The following PDE1A variants were observed in gnomAD, a reference collection of about 807,000 sequenced individuals.
PDE1A encodes phosphodiesterase 1A.
Under a neutral mutation model 61.7 loss-of-function variants are expected in PDE1A, and 35 were observed. The observed-to-expected ratio is 0.57, with a 90% CI of 0.43 to 0.75. The LOEUF (loss-of-function observed/expected upper bound fraction) is 0.75, where lower values mean the gene tolerates loss of function less well. Ranked by LOEUF, PDE1A falls within the 30% of genes least tolerant of loss-of-function variation. The probability of loss-of-function intolerance (pLI) is 0.00; values close to 1 mark genes in which losing one functional copy is unlikely to be tolerated. For synonymous variants in PDE1A, 232 were observed against 213.2 expected, an observed-to-expected ratio of 1.09 and a Z score of -0.77; for missense variants, 597 against 630.6, an observed-to-expected ratio of 0.95 and a Z score of 0.57.
At chr2:182,692,672 AAT>A in the PDE1A span, among the ~76,000 whole-genome samples, 147 of 147,776 alleles carry the variant, frequency 9.9e-4, 1 homozygote, top group African/African-American at 3.4e-3. Context: ...GTATAATAAA[AAT>A]ATATATATAT....
At chr2:182,307,586 C>A (rs1234581436) in intron 1 of PDE1A, among the ~76,000 whole-genome samples, 2 of 152,090 alleles carry the variant, frequency 1.3e-5, no homozygotes, top group Non-Finnish European at 2.9e-5. Context: ...CAGAGTAAGA[C>A]AATCACTGGA....
intron 1 of PDE1A, among the ~76,000 whole-genome samples, chr2:182,402,809 A>AG (rs1702079774): frequency 6.6e-6 from 1 of 152,220 alleles, no homozygotes; most frequent in Non-Finnish European, 1.5e-5. Flanking sequence ...AGAATCTACA[A>AG]AAACTTAAAC....
At chr2:182,567,531 C>T in the PDE1A span, among the ~76,000 whole-genome samples, 1 of 152,056 alleles carries the variant, frequency 6.6e-6, no homozygotes, top group African/African-American at 2.4e-5. Context: ...TCTCGTCTTC[C>T]TTCCATTTAC....
the PDE1A span, among the ~76,000 whole-genome samples, chr2:182,714,569 T>A: frequency 6.8e-6 from 1 of 146,088 alleles, no homozygotes; most frequent in African/African-American, 2.5e-5. Context: ...CATCTCTTAC[T>A]TTTTTTTTTC....
At chr2:182,459,101 A>G (rs376285566) in intron 2 of PDE1A, among the ~76,000 whole-genome samples, 14 of 152,254 alleles carry the variant, frequency 9.2e-5, no homozygotes, top group African/African-American at 2.6e-4. Flanking sequence ...CACAATTTTT[A>G]TTCATCTCTA....
At chr2:182,643,322 G>A in the PDE1A span, among the ~76,000 whole-genome samples, 1 of 152,098 alleles carries the variant, frequency 6.6e-6, no homozygotes, top group African/African-American at 2.4e-5. Context: ...TGCCTGGTAC[G>A]GCACAGGTAA....
the PDE1A span, among the ~76,000 whole-genome samples, chr2:182,595,389 A>C: frequency 1.3e-4 from 20 of 152,332 alleles, no homozygotes; most frequent in East Asian, 1.7e-3. Flanking sequence ...TGACTCTTTC[A>C]AAGATTCTCC....
chr2:182,158,147 T>A (rs896379128), intron 13 of PDE1A, among the ~76,000 whole-genome samples: 12 of 152,220 alleles, frequency 7.9e-5, no homozygotes, highest in African/African-American at 2.9e-4. Flanking sequence ...TGGAAGAAAT[T>A]GCCTCCCTTG....
At chr2:182,279,246 T>C (rs1574235555) in intron 1 of PDE1A, among the ~76,000 whole-genome samples, 1 of 151,944 alleles carries the variant, frequency 6.6e-6, no homozygotes, top group African/African-American at 2.4e-5. Context: ...GGAGAAAATA[T>C]GCCACTCTGT....
At chr2:182,187,813 C>T (rs529682032) in intron 11 of PDE1A, among the ~76,000 whole-genome samples, 63 of 137,502 alleles carry the variant, frequency 4.6e-4, no homozygotes, top group Non-Finnish European at 6.1e-4. Context: ...GGTGCAATCT[C>T]GGCTCACTGC....
intron 1 of PDE1A, among the ~76,000 whole-genome samples, chr2:182,305,142 C>G (rs112839135): frequency 0.011 from 1,627 of 151,698 alleles, 25 homozygotes; most frequent in South Asian, 0.073. Context: ...TTCCTTGTCT[C>G]TCTTCTCCAA....
the PDE1A span, among the ~76,000 whole-genome samples, chr2:182,658,717 G>A: frequency 6.6e-6 from 1 of 152,202 alleles, no homozygotes; most frequent in Non-Finnish European, 1.5e-5. Context: ...ATTTTGTGCT[G>A]AATATAGCAA....
the PDE1A span, among the ~76,000 whole-genome samples, chr2:182,689,054 C>T: frequency 7.2e-5 from 11 of 152,226 alleles, no homozygotes; most frequent in East Asian, 5.8e-4. Context: ...TACAAAGAGA[C>T]GTAGACTCCC....
chr2:182,575,278 C>A, the PDE1A span, among the ~76,000 whole-genome samples: 1 of 151,980 alleles, frequency 6.6e-6, no homozygotes, highest in African/African-American at 2.4e-5. Flanking sequence ...CTCCTGTATT[C>A]CACGAATTCT....
chr2:182,530,230 T>TAAAGA, the PDE1A span, among the ~76,000 whole-genome samples: 81 of 113,246 alleles, frequency 7.2e-4, 1 homozygote, highest in South Asian at 0.024. Flanking sequence ...GACAGTATCC[T>TAAAGA]TATGAGAAAC....
intron 2 of PDE1A, among the ~76,000 whole-genome samples, chr2:182,444,237 C>T (rs746943870): frequency 6.6e-6 from 1 of 152,060 alleles, no homozygotes; most frequent in Non-Finnish European, 1.5e-5. Context: ...AAATTCTTCC[C>T]CCAGCCATTT....
At chr2:182,282,412 C>T (rs1384610515) in intron 1 of PDE1A, among the ~76,000 whole-genome samples, 1 of 151,978 alleles carries the variant, frequency 6.6e-6, no homozygotes, top group East Asian at 1.9e-4. Context: ...CTAAGAAAAA[C>T]TTTCTATGTG....
intron 7 of PDE1A, among the ~76,000 whole-genome samples, chr2:182,222,270 T>C (rs1223518379): frequency 6.6e-6 from 1 of 152,010 alleles, no homozygotes; most frequent in East Asian, 1.9e-4. Flanking sequence ...CACATTCTTC[T>C]AAATGAAATA....
At chr2:182,392,246 A>G (rs1189065342) in intron 1 of PDE1A, among the ~76,000 whole-genome samples, 5 of 152,176 alleles carry the variant, frequency 3.3e-5, no homozygotes, top group Admixed American at 3.3e-4. Flanking sequence ...GGAGGAACAA[A>G]GGCACCTCTT....
Sources: gnomAD v4.1 joint callset for allele counts (sites outside exome capture counted in the v4.1 genomes callset) on GRCh38, gnomAD v4.1.1 for gene constraint, MANE v1.5 for transcripts, NCBI Gene and HGNC (gene_info 2026-07-23, HGNC 2026-07-21) for gene names.